Variants in HYAL4 observed in about 807,000 individuals in gnomAD.
HYAL4 encodes hyaluronidase-4.
A neutral mutation model predicts 35.2 loss-of-function variants in HYAL4; 37 were observed. That is an observed-to-expected ratio of 1.05 (90% CI 0.81 to 1.38). The LOEUF (loss-of-function observed/expected upper bound fraction) is 1.38. Among genes scored for constraint, HYAL4 ranks in the 40% most tolerant of loss-of-function variants. The pLI is 0.00. For synonymous variants in HYAL4, 198 were observed against 203.2 expected, an observed-to-expected ratio of 0.97 and a Z score of 0.22; for missense variants, 572 against 572.4, an observed-to-expected ratio of 1.00 and a Z score of 0.01.
the HYAL4 span, among the ~76,000 whole-genome samples, chr7:123,800,595 C>G: frequency 6.6e-6 from 1 of 151,324 alleles, no homozygotes; most frequent in East Asian, 1.9e-4. Context: ...TTTCTTGCAT[C>G]TTTAACAATT....
chr7:123,806,327 A>C, the HYAL4 span, among the ~76,000 whole-genome samples: 1 of 152,172 alleles, frequency 6.6e-6, no homozygotes, highest in African/African-American at 2.4e-5. Flanking sequence ...TGCCAAAGTA[A>C]TGAAGGTTTT....
rs186258111 is a variant in HYAL4, at chr7:123,857,874, G to T, written c.-52+9716G>T. 3.7e-3 allele frequency among the ~76,000 whole-genome samples: 557 copies of T among 152,094 alleles called. 10 individuals are homozygous for T. The highest frequency in any genetic ancestry group is 0.029 in the Admixed American group (448 of 15,244). ...TTATCCAGAAGGTGTACTTGAAGTG[G>T]AAAACTAGGCTCTTAAATGGAGATA... On this transcript the variant is annotated intron_variant, in intron 2 of 4. Coordinates refer to ENST00000223026, the MANE Select transcript of HYAL4 (RefSeq NM_012269.3).
At chr7:123,809,396 T>C in the HYAL4 span, among the ~76,000 whole-genome samples, 507 of 142,176 alleles carry the variant, frequency 3.6e-3, 3 homozygotes, top group African/African-American at 6.8e-3. Context: ...TCTTCTTCTT[T>C]TTTTTTTTTT....
chr7:123,847,629 T>C (rs1021302609), intron 1 of HYAL4, among the ~76,000 whole-genome samples: 51 of 152,182 alleles, frequency 3.4e-4, no homozygotes, highest in African/African-American at 1.2e-3. Context: ...TACAAAAAAA[T>C]TAGCTGGGTA....
intron 1 of HYAL4, among the ~76,000 whole-genome samples, chr7:123,830,520 G>T (rs1032489752): frequency 6.6e-6 from 1 of 152,024 alleles, no homozygotes; most frequent in African/African-American, 2.4e-5. Context: ...TTCTTACCTC[G>T]CATTATTGTT....
chr7:123,846,475 G>A (rs1232164970), intron 1 of HYAL4, among the ~76,000 whole-genome samples: 1 of 151,966 alleles, frequency 6.6e-6, no homozygotes, highest in Non-Finnish European at 1.5e-5. Flanking sequence ...AACCCAAAAG[G>A]CCAGTCTCAC....
the HYAL4 span, among the ~76,000 whole-genome samples, chr7:123,772,424 CAT>C: frequency 2.0e-4 from 30 of 152,146 alleles, no homozygotes; most frequent in East Asian, 9.7e-4. Flanking sequence ...ATACCTGAGA[CAT>C]GTGACACTCT....
the HYAL4 span, among the ~76,000 whole-genome samples, chr7:123,817,963 C>T: frequency 1.0e-3 from 152 of 152,116 alleles, no homozygotes; most frequent in African/African-American, 2.8e-3. Flanking sequence ...CTGCAACCTC[C>T]GCCTCCTGAA....
the HYAL4 span, among the ~76,000 whole-genome samples, chr7:123,819,956 T>C: frequency 6.7e-6 from 1 of 150,030 alleles, no homozygotes; most frequent in African/African-American, 2.4e-5. Flanking sequence ...AGTGGCGCAA[T>C]CTTGGCACAC....
At chr7:123,771,638 G>T in the HYAL4 span, among the ~76,000 whole-genome samples, 3 of 152,170 alleles carry the variant, frequency 2.0e-5, no homozygotes, top group African/African-American at 7.2e-5. Context: ...TTTGTTATGG[G>T]TAGTTTGTAC....
intron 1 of HYAL4, among the ~76,000 whole-genome samples, 192 bp downstream of exon 1, chr7:123,845,877 G>A (rs1001793504): frequency 5.9e-5 from 9 of 152,258 alleles, no homozygotes; most frequent in African/African-American, 2.2e-4. Context: ...TTTTCCTATG[G>A]ATGTGGTTTC....
At chr7:123,842,239 T>C (rs1806085667), upstream of HYAL4, among the ~76,000 whole-genome samples, 1 of 152,046 alleles carries the variant, frequency 6.6e-6, no homozygotes, top group Non-Finnish European at 1.5e-5. Context: ...TATTCCTGCC[T>C]TCATTTTGTT....
intron 1 of HYAL4, among the ~76,000 whole-genome samples, chr7:123,831,643 T>C (rs1805884501): frequency 6.6e-6 from 1 of 152,202 alleles, no homozygotes; most frequent in South Asian, 2.1e-4. Flanking sequence ...CTGTATCAAA[T>C]GTTTTGTGAT....
chr7:123,774,694 A>G, the HYAL4 span, among the ~76,000 whole-genome samples: 2 of 152,082 alleles, frequency 1.3e-5, no homozygotes, highest in South Asian at 2.1e-4. Context: ...ACATTCCTCA[A>G]GGCTTTTTCT....
At chr7:123,800,759 C>T in the HYAL4 span, among the ~76,000 whole-genome samples, 1,700 of 151,868 alleles carry the variant, frequency 0.011, 31 homozygotes, top group African/African-American at 0.039. Context: ...CGGGTTCAAA[C>T]GATTCTCGTG....
At chr7:123,778,945 A>G in the HYAL4 span, among the ~76,000 whole-genome samples, 1 of 152,306 alleles carries the variant, frequency 6.6e-6, no homozygotes, top group East Asian at 1.9e-4. Flanking sequence ...GAGAATCCAA[A>G]TGAATTCTAT....
At chr7:123,785,326 G>A in the HYAL4 span, among the ~76,000 whole-genome samples, 6 of 152,254 alleles carry the variant, frequency 3.9e-5, no homozygotes, top group South Asian at 2.1e-4. This position sits in a 1 kb window ranked among gnomAD's most constrained non-coding sequence, Gnocchi z 4.5. Context: ...GGCTCAAGTG[G>A]TTCTCCCACC....
Position 123,867,782 on chromosome 7 carries a change from T to G in HYAL4, c.-51-441T>G, listed in dbSNP as rs192980858. ...GTGACATCAGGCAAGCCTTTTCATC[T>G]CTCTAAGCCTCAGTTTCCCCATTTG... On this transcript the variant is annotated intron_variant, in intron 2 of 4. Coordinates refer to ENST00000223026, the MANE Select transcript of HYAL4 (RefSeq NM_012269.3). 1.7e-4 allele frequency among the ~76,000 whole-genome samples: 26 copies of G among 152,284 alleles called. No homozygotes were observed. In the East Asian group the frequency reaches 4.2e-3, roughly 25 times the overall value.
the HYAL4 span, among the ~76,000 whole-genome samples, chr7:123,797,103 G>T: frequency 2.0e-5 from 3 of 152,200 alleles, no homozygotes; most frequent in African/African-American, 7.2e-5. Flanking sequence ...AATACATGTG[G>T]TTTTGGTATT....
Sources: gnomAD v4.1 joint callset for allele counts (sites outside exome capture counted in the v4.1 genomes callset) on GRCh38, gnomAD v4.1.1 for gene constraint, Gnocchi (gnomAD v3.1) non-coding constraint, MANE v1.5 for transcripts, NCBI Gene and HGNC (gene_info 2026-07-23, HGNC 2026-07-21) for gene names.